SMIM35: variants seen among roughly 807,000 people sequenced by gnomAD.
SMIM35 encodes small integral membrane protein 35, also known as TMPRSS4 antisense RNA 1 (non-protein coding).
At chr11:118,020,851 A>C (rs1452712318) in intron 1 of SMIM35, among the ~76,000 whole-genome samples, 1 of 152,224 alleles carries the variant, frequency 6.6e-6, no homozygotes, top group Non-Finnish European at 1.5e-5. Context: ...AACTTCCAGT[A>C]TAATGTACCT....
chr11:118,018,919 A>T (rs2058204640), intron 1 of SMIM35, among the ~76,000 whole-genome samples: 1 of 152,224 alleles, frequency 6.6e-6, no homozygotes. Context: ...ATAAAATAGC[A>T]TGAAGAACAG....
At chr11:118,054,320 G>T (rs1371656868) in intron 1 of SMIM35, among the ~76,000 whole-genome samples, 1 of 152,172 alleles carries the variant, frequency 6.6e-6, no homozygotes, top group African/African-American at 2.4e-5. Flanking sequence ...TAGATAAAGA[G>T]ATGTCCTTTC....
intron 1 of SMIM35, among the ~76,000 whole-genome samples, chr11:118,068,597 C>T (rs1336330679): frequency 6.6e-6 from 1 of 152,166 alleles, no homozygotes; most frequent in Non-Finnish European, 1.5e-5. Flanking sequence ...CCTGAACCCA[C>T]CCCTCTGCAG....
At chr11:118,065,317 G>A (rs946463104) in intron 1 of SMIM35, among the ~76,000 whole-genome samples, 12 of 152,200 alleles carry the variant, frequency 7.9e-5, no homozygotes, top group African/African-American at 2.7e-4. Flanking sequence ...TGGCTCACAG[G>A]AGGAGGAAGA....
At chr11:118,039,597 C>G (rs1943967063) in intron 1 of SMIM35, among the ~76,000 whole-genome samples, 1 of 151,824 alleles carries the variant, frequency 6.6e-6, no homozygotes, top group Non-Finnish European at 1.5e-5. Context: ...GTGGCCCCAG[C>G]TACTTGGGAA....
chr11:118,012,671 G>C (rs1185977112), intron 4 of SMIM35, among the ~76,000 whole-genome samples: 1 of 152,226 alleles, frequency 6.6e-6, no homozygotes, highest in Non-Finnish European at 1.5e-5. Context: ...AGCAGTAAGA[G>C]AACAGGCCCA....
intron 1 of SMIM35, among the ~76,000 whole-genome samples, chr11:118,018,131 G>A (rs910790606): frequency 6.6e-6 from 1 of 152,170 alleles, no homozygotes; most frequent in Non-Finnish European, 1.5e-5. Flanking sequence ...ATGCCTAGCA[G>A]GTTCCAGAAG....
intron 1 of SMIM35, chr11:118,025,658 G>T (rs547843945): frequency 6.8e-6 from 3 of 444,366 alleles, no homozygotes; most frequent in Non-Finnish European, 1.3e-5. Flanking sequence ...TTGCTTGTCA[G>T]ATTGCCCAAG....
chr11:118,024,684 G>A (rs1000127429), intron 1 of SMIM35, among the ~76,000 whole-genome samples: 11 of 152,264 alleles, frequency 7.2e-5, no homozygotes, highest in Admixed American at 2.6e-4. Flanking sequence ...TGTTGACCAG[G>A]CTGGTGTCGA....
intron 1 of SMIM35, among the ~76,000 whole-genome samples, chr11:118,033,494 CT>C (rs111824548): frequency 0.01 from 1,538 of 152,206 alleles, 28 homozygotes; most frequent in African/African-American, 0.034. Context: ...ACTGCCTTCT[CT>C]GTATAGTCAA....
intron 1 of SMIM35, among the ~76,000 whole-genome samples, chr11:118,026,718 A>T (rs1329264907): frequency 6.6e-6 from 1 of 152,200 alleles, no homozygotes; most frequent in African/African-American, 2.4e-5. Flanking sequence ...TGTAATCCTC[A>T]GCACTTTGGG....
intron 1 of SMIM35, chr11:118,028,966 G>A (rs776908757): frequency 6.8e-5 from 27 of 398,472 alleles, no homozygotes; most frequent in Admixed American, 3.9e-4. Context: ...TCGTGGCTAT[G>A]TTGTTTCGGG....
chr11:118,028,587 G>A (rs1006257229), intron 1 of SMIM35: 11 of 229,836 alleles, frequency 4.8e-5, no homozygotes, highest in African/African-American at 1.2e-4. Flanking sequence ...ATGCTTATTC[G>A]TATATAAAAT....
intron 1 of SMIM35, among the ~76,000 whole-genome samples, chr11:118,028,484 G>T (rs2058292051): frequency 6.6e-6 from 1 of 152,142 alleles, no homozygotes; most frequent in Admixed American, 6.5e-5. Flanking sequence ...TTGATGACAG[G>T]ATTCCAGTAG....
chr11:118,010,256 G>T (rs552084276), intron 4 of SMIM35, among the ~76,000 whole-genome samples: 1 of 152,208 alleles, frequency 6.6e-6, no homozygotes, highest in Non-Finnish European at 1.5e-5. Flanking sequence ...TCCTGAAGCA[G>T]AGAGAGGGGC....
chr11:118,052,299 GA>G (rs1944229861), intron 1 of SMIM35, among the ~76,000 whole-genome samples: 1 of 152,064 alleles, frequency 6.6e-6, no homozygotes, highest in Non-Finnish European at 1.5e-5. Flanking sequence ...GGGGACAAAA[GA>G]AGGGCGAGAG....
intron 1 of SMIM35, among the ~76,000 whole-genome samples, chr11:118,083,114 G>A (rs887684003): frequency 2.0e-5 from 3 of 152,080 alleles, no homozygotes; most frequent in Admixed American, 1.3e-4. Flanking sequence ...GCCCTTATCT[G>A]ACCCTGGCCC....
chr11:118,062,524 A>C (rs1271637715), intron 1 of SMIM35, among the ~76,000 whole-genome samples: 3 of 152,172 alleles, frequency 2.0e-5, no homozygotes, highest in Non-Finnish European at 2.9e-5. Flanking sequence ...GCTGGGAGTC[A>C]ACAATGGAGA....
intron 1 of SMIM35, among the ~76,000 whole-genome samples, chr11:118,036,060 G>A (rs1239924673): frequency 6.6e-6 from 1 of 152,070 alleles, no homozygotes; most frequent in Non-Finnish European, 1.5e-5. Context: ...GCTAATTTTT[G>A]TATTTTAGTA....
Sources: allele counts gnomAD v4.1 joint callset (sites outside exome capture counted in the v4.1 genomes callset), GRCh38; gene constraint gnomAD v4.1.1; transcripts MANE v1.5; gene names NCBI Gene and HGNC (gene_info 2026-07-23, HGNC 2026-07-21).